Variants in KCNIP4 observed in about 807,000 individuals in gnomAD.
KCNIP4 encodes the protein potassium voltage-gated channel interacting protein 4, also known as Kv channel-interacting protein 4.
KCNIP4 carries 12 observed loss-of-function variants against 34.0 expected under a neutral mutation model. That is an observed-to-expected ratio of 0.35 (90% CI 0.23 to 0.57). KCNIP4 has a LOEUF of 0.57. Ranked by LOEUF, KCNIP4 falls within the 20% of genes least tolerant of loss-of-function variation. The pLI, the probability that KCNIP4 is intolerant of heterozygous loss-of-function variation, is 0.83. For synonymous variants in KCNIP4, 124 were observed against 102.2 expected (o/e 1.21, Z -1.29); for missense variants, 238 against 311.7 (o/e 0.76, Z 1.78).
intron 1 of KCNIP4, among the ~76,000 whole-genome samples, chr4:20,996,013 G>C (rs1008889118): frequency 1.3e-5 from 2 of 152,218 alleles, no homozygotes; most frequent in African/African-American, 4.8e-5. Context: ...AGGGAGTGTT[G>C]CATGGAGTCT....
At chr4:21,142,777 T>C (rs970470345) in intron 1 of KCNIP4, among the ~76,000 whole-genome samples, 1 of 152,216 alleles carries the variant, frequency 6.6e-6, no homozygotes, top group African/African-American at 2.4e-5. Flanking sequence ...ATAATCCTAA[T>C]GCCCTGTAAT....
rs181546072 is a variant in KCNIP4 at position 21,227,771 on chromosome 4, T to C, written c.62-345062A>G. Among the ~76,000 whole-genome samples, 478 of 152,318 alleles carry C rather than the reference T, an allele frequency of 3.1e-3. 5 individuals carry two copies. Among genetic ancestry groups the C allele is most frequent in the Middle Eastern group, 0.01 (3 of 294 alleles). ...ATTGCATGTAGTATGCTCTACACTA[T>C]GCTTGAAGCTGGGGGTTCAGAAAGG... is the stretch of plus-strand genomic sequence containing the variant. On this transcript the variant is annotated intron_variant, in intron 1 of 8. Coordinates refer to ENST00000382152, the MANE Select transcript of KCNIP4 (RefSeq NM_025221.6).
intron 1 of KCNIP4, among the ~76,000 whole-genome samples, chr4:21,226,232 GGGGAGGGAGGGGGGGA>G (rs1437351339): frequency 5.3e-5 from 6 of 112,806 alleles, no homozygotes; most frequent in Admixed American, 5.2e-4. Context: ...GGCAGCATAG[GGGGAGGGAGGGGGGGA>G]GGGAGGGAGG....
chr4:20,943,041 T>C (rs115068907), intron 1 of KCNIP4, among the ~76,000 whole-genome samples: 16 of 152,326 alleles, frequency 1.1e-4, no homozygotes, highest in Non-Finnish European at 2.2e-4. Context: ...TGAATCAAGA[T>C]CAATATGTTT....
intron 1 of KCNIP4, among the ~76,000 whole-genome samples, chr4:20,945,001 T>A (rs1732045696): frequency 6.6e-6 from 1 of 152,180 alleles, no homozygotes. Context: ...GCCTCAGAAC[T>A]GCAGTTCAGA....
At chr4:21,742,270 C>G (rs533822122) in intron 1 of KCNIP4, among the ~76,000 whole-genome samples, 28 of 152,216 alleles carry the variant, frequency 1.8e-4, no homozygotes, top group African/African-American at 6.5e-4. Flanking sequence ...AATAGGATCC[C>G]TTACTGAGAA....
At chr4:21,801,620 A>T (rs562465658) in intron 1 of KCNIP4, among the ~76,000 whole-genome samples, 61 of 151,488 alleles carry the variant, frequency 4.0e-4, no homozygotes, top group African/African-American at 1.4e-3. Context: ...TATTATTATT[A>T]TTTTTTGAGA....
chr4:20,904,660 T>C (rs1727538377), intron 1 of KCNIP4, among the ~76,000 whole-genome samples: 1 of 152,174 alleles, frequency 6.6e-6, no homozygotes, highest in Non-Finnish European at 1.5e-5. Context: ...AATGCTAATT[T>C]AATTAAGCCT....
chr4:20,953,948 G>A (rs1328096288), intron 1 of KCNIP4, among the ~76,000 whole-genome samples: 4 of 152,084 alleles, frequency 2.6e-5, no homozygotes, highest in East Asian at 1.9e-4. Flanking sequence ...GTAGAGTCAC[G>A]GGAAACACTT....
chr4:20,951,229 A>G (rs941859565), intron 1 of KCNIP4, among the ~76,000 whole-genome samples: 2 of 152,078 alleles, frequency 1.3e-5, no homozygotes, highest in African/African-American at 2.4e-5. Flanking sequence ...CCTCACCACA[A>G]ACCAACCATG....
intron 1 of KCNIP4, among the ~76,000 whole-genome samples, chr4:20,956,620 C>T (rs903568721): frequency 2.0e-5 from 3 of 151,960 alleles, no homozygotes; most frequent in Middle Eastern, 3.4e-3. Context: ...AAGAATAAAA[C>T]AATAGATTAA....
At position 20,773,949 on chromosome 4, in the gene KCNIP4, T is replaced by C. The variant is rs1756138825; in HGVS notation, c.289-15059A>G. On this transcript the variant is annotated intron_variant, in intron 3 of 8. Transcript: ENST00000382152. ...GACAACGCCACTAAAGTTCCAAAGC[T>C]TGAGTCTGAAAACCTTCTGAAATTG... Among the ~76,000 whole-genome samples the C allele has an allele frequency of 2.0e-5, 3 of 152,324 alleles. No individual in the cohort carries two copies. The South Asian group carries it at 6.2e-4, about 32-fold the overall frequency.
At chr4:21,524,691 T>G (rs1735824626) in intron 1 of KCNIP4, among the ~76,000 whole-genome samples, 1 of 152,172 alleles carries the variant, frequency 6.6e-6, no homozygotes. Context: ...ATCTAATCTT[T>G]TTCTTCCTAT....
intron 1 of KCNIP4, among the ~76,000 whole-genome samples, chr4:21,707,204 A>G (rs1045444800): frequency 6.6e-6 from 1 of 152,176 alleles, no homozygotes; most frequent in Non-Finnish European, 1.5e-5. Context: ...GCCATAGTCT[A>G]ATGTCACACA....
At chr4:21,776,339 T>G (rs1001555631) in intron 1 of KCNIP4, among the ~76,000 whole-genome samples, 1 of 152,186 alleles carries the variant, frequency 6.6e-6, no homozygotes, top group African/African-American at 2.4e-5. Flanking sequence ...ATGGTTTTTT[T>G]TTTCGATGGG....
chr4:21,602,735 G>T (rs531109662), intron 1 of KCNIP4, among the ~76,000 whole-genome samples: 3 of 152,020 alleles, frequency 2.0e-5, no homozygotes. Context: ...TTTGATTTAC[G>T]TATGCCTGTA....
At chr4:21,495,848 G>C (rs1732804199) in intron 1 of KCNIP4, among the ~76,000 whole-genome samples, 1 of 152,202 alleles carries the variant, frequency 6.6e-6, no homozygotes, top group African/African-American at 2.4e-5. Flanking sequence ...CTAAGTCCTT[G>C]ATTAGAATTT....
rs115934289 is a variant in KCNIP4, at chr4:20,924,638, G to A, written c.62-41929C>T. On this transcript the variant is annotated intron_variant, in intron 1 of 8. Coordinates refer to ENST00000382152, the MANE Select transcript of KCNIP4 (RefSeq NM_025221.6). ...TCTGTAAACTATAATGTCCTCATTA[G>A]TAAGCATATATGTCAAAATGCTTAG... is the stretch of plus-strand genomic sequence containing the variant. Among the ~76,000 whole-genome samples the A allele has an allele frequency of 4.5e-3, 687 of 151,942 alleles. 7 individuals are homozygous for A. Among genetic ancestry groups the A allele is most frequent in the African/African-American group, 0.014 (600 of 41,554 alleles).
intron 1 of KCNIP4, among the ~76,000 whole-genome samples, chr4:20,937,049 A>G (rs1235938980): frequency 1.3e-5 from 2 of 152,048 alleles, no homozygotes; most frequent in Non-Finnish European, 1.5e-5. Flanking sequence ...GCATTATGAA[A>G]GGAAAGAAGA....
Sources: allele counts gnomAD v4.1 joint callset (sites outside exome capture counted in the v4.1 genomes callset), GRCh38; gene constraint gnomAD v4.1.1; transcripts MANE v1.5; gene names NCBI Gene and HGNC (gene_info 2026-07-23, HGNC 2026-07-21).